CDH13: variants seen among roughly 807,000 people sequenced by gnomAD.
CDH13 encodes cadherin-13.
Under a neutral mutation model 63.8 loss-of-function variants are expected in CDH13, and 24 were observed. The observed-to-expected ratio is 0.38, with a 90% CI of 0.27 to 0.53. The LOEUF (loss-of-function observed/expected upper bound fraction) is 0.53, where lower values mean the gene tolerates loss of function less well. Among genes scored for constraint, CDH13 ranks in the 20% least tolerant of loss-of-function variants. CDH13 has a pLI of 0.85. For missense variants in CDH13, 1,049 were observed against 903.1 expected, an observed-to-expected ratio of 1.16 and a Z score of -2.07; for synonymous variants, 503 against 355.3, an observed-to-expected ratio of 1.42 and a Z score of -4.67.
chr16:82,968,624 A>G (rs1455006736), intron 2 of CDH13, among the ~76,000 whole-genome samples: 6 of 152,146 alleles, frequency 3.9e-5, no homozygotes, highest in Admixed American at 3.3e-4. Flanking sequence ...TTAGATTCCA[A>G]GACCCATCTC....
At chr16:83,101,938 G>C (rs868000023) in intron 3 of CDH13, among the ~76,000 whole-genome samples, 1 of 152,214 alleles carries the variant, frequency 6.6e-6, no homozygotes, top group East Asian at 1.9e-4. Flanking sequence ...CTTGGAACCT[G>C]TGAATGTGTT....
intron 1 of CDH13, among the ~76,000 whole-genome samples, chr16:82,754,521 G>A (rs1360595543): frequency 1.3e-5 from 2 of 152,124 alleles, no homozygotes; most frequent in Non-Finnish European, 2.9e-5. Flanking sequence ...TAGGATTCCT[G>A]AGAACTGCCA....
At chr16:83,119,305 C>G (rs949086357) in intron 3 of CDH13, among the ~76,000 whole-genome samples, 2 of 152,170 alleles carry the variant, frequency 1.3e-5, no homozygotes, top group Non-Finnish European at 2.9e-5. Flanking sequence ...GCCATTGTCT[C>G]CATGTCTTGC....
chr16:83,163,296 T>C (rs987053404), intron 4 of CDH13, among the ~76,000 whole-genome samples: 1 of 152,060 alleles, frequency 6.6e-6, no homozygotes, highest in Non-Finnish European at 1.5e-5. Context: ...CTCACCTATG[T>C]AGGGAAACCT....
At chr16:82,969,736 G>A (rs1470214007) in intron 2 of CDH13, among the ~76,000 whole-genome samples, 1 of 151,994 alleles carries the variant, frequency 6.6e-6, no homozygotes, top group Non-Finnish European at 1.5e-5. Flanking sequence ...AGGAGAATCA[G>A]GCTAGTCCGT....
intron 1 of CDH13, among the ~76,000 whole-genome samples, chr16:82,660,808 CT>C (rs2150924570): frequency 6.6e-6 from 1 of 152,226 alleles, no homozygotes; most frequent in South Asian, 2.1e-4. Context: ...ATTTAGACGT[CT>C]GCTGCTGCTG....
intron 3 of CDH13, among the ~76,000 whole-genome samples, chr16:83,087,475 C>G (rs76395004): frequency 6.6e-5 from 10 of 151,900 alleles, no homozygotes; most frequent in Admixed American, 4.6e-4. Flanking sequence ...CGAGACCAGC[C>G]TACCCAACAT....
chr16:83,503,995 C>T (rs974151964), intron 7 of CDH13, among the ~76,000 whole-genome samples: 6 of 151,996 alleles, frequency 3.9e-5, no homozygotes, highest in African/African-American at 1.4e-4. Flanking sequence ...AGGACAGATG[C>T]CCAATGCATG....
chr16:83,378,345 C>T (rs148601013), intron 6 of CDH13, among the ~76,000 whole-genome samples: 7 of 152,296 alleles, frequency 4.6e-5, no homozygotes, highest in East Asian at 3.9e-4. Flanking sequence ...TCCTGTTCAG[C>T]GGAGAGGGAC....
At chr16:82,853,230 C>T (rs1201306780) in intron 1 of CDH13, among the ~76,000 whole-genome samples, 1 of 152,174 alleles carries the variant, frequency 6.6e-6, no homozygotes, top group Non-Finnish European at 1.5e-5. Context: ...GAGATGCAAA[C>T]ACCCCATGAT....
chr16:83,064,769 T>C (rs943214351), intron 3 of CDH13, among the ~76,000 whole-genome samples: 1 of 152,228 alleles, frequency 6.6e-6, no homozygotes, highest in Non-Finnish European at 1.5e-5. Flanking sequence ...TGAGGTACAA[T>C]ATTATGTTTT....
chr16:83,010,200 C>T (rs969241801), intron 2 of CDH13, among the ~76,000 whole-genome samples: 1 of 141,868 alleles, frequency 7.0e-6, no homozygotes, highest in Non-Finnish European at 1.5e-5. Flanking sequence ...ATCTGCATTT[C>T]TAACAAGCTC....
intron 1 of CDH13, among the ~76,000 whole-genome samples, chr16:82,791,324 C>CACACCCA (rs1283170415): frequency 6.6e-6 from 1 of 151,788 alleles, no homozygotes; most frequent in Non-Finnish European, 1.5e-5. Context: ...TAACTCAGCT[C>CACACCCA]ACACCCAACA....
At chr16:83,176,882 T>G (rs1361695484) in intron 4 of CDH13, among the ~76,000 whole-genome samples, 2 of 152,056 alleles carry the variant, frequency 1.3e-5, no homozygotes, top group Admixed American at 6.6e-5. Flanking sequence ...TACCTTCCTC[T>G]CCCATCAGCC....
chr16:83,596,939 TG>T (rs1907318777), intron 7 of CDH13, among the ~76,000 whole-genome samples: 1 of 152,156 alleles, frequency 6.6e-6, no homozygotes, highest in African/African-American at 2.4e-5. Context: ...AGTGAAAACT[TG>T]GGCAGGGCAC....
intron 1 of CDH13, chr16:82,826,212 T>C (rs891749004): frequency 6.6e-6 from 1 of 152,196 alleles, no homozygotes; most frequent in Non-Finnish European, 1.5e-5. Flanking sequence ...GATTCTGAAG[T>C]ACTTTGCGAT....
intron 5 of CDH13, among the ~76,000 whole-genome samples, chr16:83,300,717 T>C (rs1046122362): frequency 6.6e-6 from 1 of 152,238 alleles, no homozygotes; most frequent in African/African-American, 2.4e-5. Context: ...ACTTTAATAT[T>C]TTCTAATGGT....
At chr16:83,026,341 C>T (rs534217596) in intron 2 of CDH13, among the ~76,000 whole-genome samples, 1 of 152,312 alleles carries the variant, frequency 6.6e-6, no homozygotes, top group South Asian at 2.1e-4. Flanking sequence ...CGCTCTAGGC[C>T]TTTCTGGATA....
intron 1 of CDH13, among the ~76,000 whole-genome samples, chr16:82,664,744 C>T (rs1912385122): frequency 6.6e-6 from 1 of 152,200 alleles, no homozygotes. Context: ...GTATGTAAAA[C>T]TGAGGGTTTT....
Sources: allele counts gnomAD v4.1 joint callset (sites outside exome capture counted in the v4.1 genomes callset), GRCh38; gene constraint gnomAD v4.1.1; transcripts MANE v1.5; gene names NCBI Gene and HGNC (gene_info 2026-07-23, HGNC 2026-07-21).